PRKN: variants seen among roughly 807,000 people sequenced by gnomAD.
PRKN encodes E3 ubiquitin-protein ligase parkin.
A neutral mutation model predicts 59.5 loss-of-function variants in PRKN; 56 were observed. The ratio of observed to expected loss-of-function variants is 0.94; its 90% CI spans 0.76 to 1.18. The LOEUF (loss-of-function observed/expected upper bound fraction) is 1.18. PRKN is among the 50% of genes most tolerant of loss of function. The probability of loss-of-function intolerance (pLI) is 0.00; values close to 1 mark genes in which losing one functional copy is unlikely to be tolerated. For missense variants in PRKN, 657 were observed against 596.4 expected (o/e 1.10, Z -1.06); for synonymous variants, 250 against 222.1 (o/e 1.13, Z -1.12).
rs370620974 is a variant in PRKN, at chr6:162,526,283, C to A, written c.8-82810G>T. On this transcript the variant is annotated intron_variant, in intron 1 of 11. Transcript: ENST00000366898. Reference sequence around the variant, plus strand: ...CACAAGGCTAAGGGAAAAAAAAAAACAACTACTACAAAATACTTGGTATCA... The same window carrying A: ...CACAAGGCTAAGGGAAAAAAAAAAAAAACTACTACAAAATACTTGGTATCA... Among the ~76,000 whole-genome samples, 159 of 101,266 alleles carry A rather than the reference C, an allele frequency of 1.6e-3. 2 individuals are homozygous for A. The highest frequency in any genetic ancestry group is 5.3e-3 in the African/African-American group (126 of 23,732). The allele number at this position is 101,266 out of a possible 152,430, so 66.4% of individuals were successfully genotyped here. A position where few individuals can be genotyped will look rare whatever the true frequency, so the allele number is the denominator to read the frequency against.
chr6:161,426,954 T>C (rs899773634), intron 9 of PRKN, among the ~76,000 whole-genome samples: 1 of 151,978 alleles, frequency 6.6e-6, no homozygotes. Flanking sequence ...CTCCTGACCT[T>C]GTGATCTGCC....
At chr6:161,879,773 T>C (rs1431065861) in intron 6 of PRKN, among the ~76,000 whole-genome samples, 2 of 152,174 alleles carry the variant, frequency 1.3e-5, no homozygotes, top group Admixed American at 6.5e-5. Flanking sequence ...TATAGAGTCT[T>C]TTTCATTTTC....
At position 161,460,680 on chromosome 6, in the gene PRKN, G is replaced by T. The variant is rs892853129; in HGVS notation, c.1084-73803C>A. 6.6e-6 allele frequency among the ~76,000 whole-genome samples: 1 copy of T among 152,072 alleles called. No homozygotes were observed. Among genetic ancestry groups the T allele is most frequent in the African/African-American group, 2.4e-5 (1 of 41,410 alleles). ...ACTTCCAGGGATGTCCACAGCTGTG[G>T]CTTCTCCCAGGTATTTATAGTTCAT... On this transcript the variant is annotated intron_variant, in intron 9 of 11. Transcript: ENST00000366898. The surrounding 1 kb of genome is among the most constrained non-coding windows in gnomAD (Gnocchi z 5.0).
intron 1 of PRKN, among the ~76,000 whole-genome samples, chr6:162,674,132 C>T (rs1779447159): frequency 6.6e-6 from 1 of 152,210 alleles, no homozygotes; most frequent in African/African-American, 2.4e-5. Context: ...ACAGCTTTGA[C>T]TGTATGCAAA....
At chr6:161,931,930 G>T (rs937100311) in intron 6 of PRKN, among the ~76,000 whole-genome samples, 5 of 152,142 alleles carry the variant, frequency 3.3e-5, no homozygotes, top group African/African-American at 1.2e-4. Flanking sequence ...TTGTAGAGGA[G>T]AAGAAAACAA....
chr6:162,485,126 G>A (rs145414596), intron 1 of PRKN, among the ~76,000 whole-genome samples: 53 of 152,194 alleles, frequency 3.5e-4, no homozygotes, highest in African/African-American at 1.0e-3. Context: ...GCATTCATTC[G>A]TCACTTTTGT....
At position 162,042,409 on chromosome 6, in the gene PRKN, A is replaced by G. The variant is rs1376093542; in HGVS notation, c.618+11682T>C. Among the ~76,000 whole-genome samples, 3 of 151,438 alleles carry G rather than the reference A, an allele frequency of 2.0e-5. No individual in the cohort carries two copies. The East Asian group carries it at 5.9e-4, about 30-fold the overall frequency. On this transcript the variant is annotated intron_variant, in intron 5 of 11. Coordinates refer to ENST00000366898, the MANE Select transcript of PRKN (RefSeq NM_004562.3). Reference sequence around the variant, plus strand: ...GGGGCTAAAGCAATCCTCCCACCTCAGCCTCCCAAATAGCTGAGATTACAG... The same window carrying G: ...GGGGCTAAAGCAATCCTCCCACCTCGGCCTCCCAAATAGCTGAGATTACAG...
At chr6:161,809,489 T>C (rs1263559152) in intron 6 of PRKN, among the ~76,000 whole-genome samples, 2 of 152,186 alleles carry the variant, frequency 1.3e-5, no homozygotes, top group Non-Finnish European at 1.5e-5. Context: ...GTGTGGGCTC[T>C]AGAAATAAAG....
intron 1 of PRKN, among the ~76,000 whole-genome samples, chr6:162,526,545 G>T (rs1346978661): frequency 6.6e-6 from 1 of 151,772 alleles, no homozygotes; most frequent in African/African-American, 2.4e-5. Flanking sequence ...AGCTACTCAG[G>T]AGGCTGAGGC....
intron 5 of PRKN, among the ~76,000 whole-genome samples, chr6:161,994,638 T>C (rs1376750556): frequency 1.3e-5 from 2 of 151,308 alleles, no homozygotes; most frequent in East Asian, 3.9e-4. Context: ...AAAATCAACA[T>C]GCAAAAATCA....
intron 2 of PRKN, among the ~76,000 whole-genome samples, chr6:162,279,495 G>T (rs1040501219): frequency 1.3e-4 from 20 of 151,044 alleles, no homozygotes; most frequent in Admixed American, 4.6e-4. Flanking sequence ...GAAAAGAAAA[G>T]AATCCTCTGT....
intron 9 of PRKN, among the ~76,000 whole-genome samples, chr6:161,508,822 T>G (rs1222414796): frequency 6.6e-6 from 1 of 152,078 alleles, no homozygotes; most frequent in Admixed American, 6.5e-5. Context: ...TAGGAAAGTT[T>G]CACAGTTCTT....
At position 162,472,746 on chromosome 6, in the gene PRKN, C is replaced by T. The variant is rs1437824751; in HGVS notation, c.8-29273G>A. ...GACCTCATGATCCACCCGCCTTGGC[C>T]TCCCAAAGTGCTGGGATTACAGGTG... On this transcript the variant is annotated intron_variant, in intron 1 of 11. Coordinates refer to ENST00000366898, the MANE Select transcript of PRKN (RefSeq NM_004562.3). Among the ~76,000 whole-genome samples, 2 of 116,512 alleles carry T rather than the reference C, an allele frequency of 1.7e-5. 1 individual carries two copies. Among genetic ancestry groups the T allele is most frequent in the Non-Finnish European group, 3.7e-5 (2 of 53,560 alleles). 76.4% of individuals were successfully genotyped at this position (116,512 alleles called of 152,430 possible).
chr6:162,584,618 T>C (rs547073596), intron 1 of PRKN, among the ~76,000 whole-genome samples: 15 of 152,188 alleles, frequency 9.9e-5, no homozygotes, highest in Admixed American at 6.5e-4. Flanking sequence ...TTTCCAGCTC[T>C]CTAAATTAAG....
intron 7 of PRKN, among the ~76,000 whole-genome samples, chr6:161,687,114 C>T (rs942198178): frequency 5.9e-5 from 9 of 151,994 alleles, no homozygotes; most frequent in African/African-American, 1.4e-4. Flanking sequence ...TGGCCAGTCA[C>T]GGTGGCTCAT....
intron 7 of PRKN, among the ~76,000 whole-genome samples, chr6:161,663,205 A>G (rs1249902998): frequency 6.6e-6 from 1 of 152,002 alleles, no homozygotes; most frequent in East Asian, 1.9e-4. Flanking sequence ...AAATTACCCA[A>G]TCTCAGGTAT....
At chr6:162,073,887 A>AG (rs1778696769) in intron 4 of PRKN, among the ~76,000 whole-genome samples, 2 of 152,248 alleles carry the variant, frequency 1.3e-5, no homozygotes, top group South Asian at 4.1e-4. Context: ...AATTATCACA[A>AG]GAAAAAAGTC....
intron 9 of PRKN, among the ~76,000 whole-genome samples, chr6:161,435,612 C>T (rs754429197): frequency 6.6e-6 from 1 of 151,926 alleles, no homozygotes; most frequent in Non-Finnish European, 1.5e-5. Context: ...GTGTCAGGGG[C>T]CAGCTCAAGG....
At chr6:161,863,052 A>G (rs138283851) in intron 6 of PRKN, among the ~76,000 whole-genome samples, 1 of 152,292 alleles carries the variant, frequency 6.6e-6, no homozygotes, top group African/African-American at 2.4e-5. Context: ...TGTTCATATG[A>G]ACAACAAAAT....
Sources: allele counts gnomAD v4.1 joint callset (sites outside exome capture counted in the v4.1 genomes callset), GRCh38; gene constraint gnomAD v4.1.1; non-coding constraint Gnocchi (gnomAD v3.1); transcripts MANE v1.5; gene names NCBI Gene and HGNC (gene_info 2026-07-23, HGNC 2026-07-21).